The following MARCHF3 variants were observed in gnomAD, a reference collection of about 807,000 sequenced individuals.
MARCHF3 encodes the protein E3 ubiquitin-protein ligase MARCHF3.
A neutral mutation model predicts 24.2 loss-of-function variants in MARCHF3; 13 were observed. The observed-to-expected ratio is 0.54, with a 90% CI of 0.35 to 0.85. The LOEUF (loss-of-function observed/expected upper bound fraction) is 0.85. MARCHF3 is among the 40% of genes least tolerant of loss of function. MARCHF3 has a pLI of 0.01. For missense variants in MARCHF3, 276 were observed against 325.0 expected (o/e 0.85, Z 1.16); for synonymous variants, 144 against 137.3 (o/e 1.05, Z -0.34).
chr5:126,941,831 C>T (rs576410821), intron 1 of MARCHF3, among the ~76,000 whole-genome samples: 22 of 152,142 alleles, frequency 1.4e-4, no homozygotes, highest in Non-Finnish European at 3.1e-4. Context: ...TGGAAGGAAA[C>T]GAGAGTCAGG....
rs561847971 is a variant in MARCHF3, at chr5:126,870,289, T to G, written c.*344A>C. 4 of 178,204 alleles carry G rather than the reference T, an allele frequency of 2.2e-5. No homozygotes were observed. The highest frequency in any genetic ancestry group is 5.6e-5 in the Admixed American group (1 of 17,806). 11.0% of individuals were successfully genotyped at this position (178,204 alleles called of 1,614,324 possible). ...AATATATATATATATGTGTGTGTGT[T>G]TGAAATAGTAATAAAAAAGGAAGAA... On this transcript the variant is annotated 3_prime_UTR_variant, in exon 5 of 5. Coordinates refer to ENST00000308660, the MANE Select transcript of MARCHF3 (RefSeq NM_178450.5).
At chr5:126,963,895 C>T (rs1345570574) in intron 1 of MARCHF3, among the ~76,000 whole-genome samples, 2 of 152,138 alleles carry the variant, frequency 1.3e-5, no homozygotes, top group African/African-American at 2.4e-5. Context: ...AGAGAACCCA[C>T]CTAAGGGGAA....
At chr5:127,023,593 G>A (rs1007354662) in intron 1 of MARCHF3, among the ~76,000 whole-genome samples, 4 of 151,832 alleles carry the variant, frequency 2.6e-5, no homozygotes, top group Non-Finnish European at 4.4e-5. Context: ...TTAGCCAGGT[G>A]TGGTGGTGCA....
chr5:126,900,284 G>A (rs920671197), intron 3 of MARCHF3, among the ~76,000 whole-genome samples: 1 of 152,118 alleles, frequency 6.6e-6, no homozygotes, highest in African/African-American at 2.4e-5. Flanking sequence ...GAAGCCAGGT[G>A]CAATGGTCTG....
chr5:126,961,435 A>T (rs575312498), intron 1 of MARCHF3, among the ~76,000 whole-genome samples: 1 of 152,270 alleles, frequency 6.6e-6, no homozygotes, highest in African/African-American at 2.4e-5. Flanking sequence ...AGCAACCACC[A>T]TAAGGCTGAT....
chr5:126,923,614 TAAC>T (rs1484172769), intron 1 of MARCHF3, among the ~76,000 whole-genome samples: 1 of 152,160 alleles, frequency 6.6e-6, no homozygotes, highest in African/African-American at 2.4e-5. Context: ...CAAGAAGTGA[TAAC>T]AAACTATAGA....
chr5:126,891,371 T>C (rs1450627543), intron 3 of MARCHF3, among the ~76,000 whole-genome samples: 3 of 98,962 alleles, frequency 3.0e-5, no homozygotes, highest in African/African-American at 4.7e-5. Flanking sequence ...CCCATGCCTA[T>C]GTCCTGAATG....
chr5:126,929,164 T>C (rs1306147118), intron 1 of MARCHF3, among the ~76,000 whole-genome samples: 1 of 152,248 alleles, frequency 6.6e-6, no homozygotes, highest in Non-Finnish European at 1.5e-5. Flanking sequence ...GTAGAGGTCC[T>C]CTAGAGCCCT....
intron 1 of MARCHF3, among the ~76,000 whole-genome samples, chr5:126,982,464 C>G (rs1561458214): frequency 6.6e-6 from 1 of 152,326 alleles, no homozygotes; most frequent in East Asian, 1.9e-4. Context: ...TGTCCCAACA[C>G]TACTGGAGGG....
intron 3 of MARCHF3, among the ~76,000 whole-genome samples, chr5:126,907,414 G>C (rs1394099929): frequency 7.2e-6 from 1 of 139,810 alleles, no homozygotes. Flanking sequence ...TGTTGACAGT[G>C]GGGTGTTAAA....
Position 126,946,821 on chromosome 5 carries a change from G to A in MARCHF3, c.-56-28594C>T, listed in dbSNP as rs147848515. Among the ~76,000 whole-genome samples, 209 of 121,244 alleles carry A rather than the reference G, an allele frequency of 1.7e-3. 2 individuals are homozygous for A. The highest frequency in any genetic ancestry group is 5.6e-3 in the African/African-American group (196 of 34,772). 79.5% of individuals were successfully genotyped at this position (121,244 alleles called of 152,430 possible). ...GTCTGTGTGTGTGTGGTGGAGGGGA[G>A]GGGGCACTGAGGACCTCTAACACCG... On this transcript the variant is annotated intron_variant, in intron 1 of 4. Coordinates refer to ENST00000308660, the MANE Select transcript of MARCHF3 (RefSeq NM_178450.5).
chr5:127,008,592 A>G (rs1752380753), intron 1 of MARCHF3, among the ~76,000 whole-genome samples: 1 of 152,238 alleles, frequency 6.6e-6, no homozygotes, highest in South Asian at 2.1e-4. Context: ...TGTTCTGGAC[A>G]GCTCTGTTTT....
rs191027711 is a variant in MARCHF3 at position 126,895,888 on chromosome 5, G to A, written c.394-17494C>T. Among the ~76,000 whole-genome samples the A allele has an allele frequency of 1.7e-3, 261 of 152,276 alleles. 2 individuals are homozygous for A. The highest frequency in any genetic ancestry group is 0.014 in the Middle Eastern group (4 of 294). ...TTGTTTACCTAATCAAGCCTGGGCAGTGGCGGGCGCCCCTCCCCCAGCCTT... is the reference window on the plus strand; with the variant it reads ...TTGTTTACCTAATCAAGCCTGGGCAATGGCGGGCGCCCCTCCCCCAGCCTT... On this transcript the variant is annotated intron_variant, in intron 3 of 4. Transcript: ENST00000308660.
chr5:126,952,304 G>C (rs550345954), intron 1 of MARCHF3, among the ~76,000 whole-genome samples: 1 of 152,290 alleles, frequency 6.6e-6, no homozygotes, highest in South Asian at 2.1e-4. Context: ...ATGAGCAAGA[G>C]ACAGAGGAAA....
chr5:126,909,858 T>C (rs1232935560), intron 3 of MARCHF3, among the ~76,000 whole-genome samples: 1 of 152,262 alleles, frequency 6.6e-6, no homozygotes, highest in South Asian at 2.1e-4. Flanking sequence ...AGTGACTTCA[T>C]AAAAAAGGTT....
At chr5:126,979,652 T>C (rs1424235387) in intron 1 of MARCHF3, among the ~76,000 whole-genome samples, 4 of 152,092 alleles carry the variant, frequency 2.6e-5, no homozygotes, top group African/African-American at 9.7e-5. Flanking sequence ...TATTCCTTAT[T>C]AGAAATGAAA....
intron 2 of MARCHF3, among the ~76,000 whole-genome samples, chr5:126,915,898 C>T (rs1754712264): frequency 6.6e-6 from 1 of 152,198 alleles, no homozygotes; most frequent in African/African-American, 2.4e-5. Context: ...ACTCTGCTGT[C>T]TATTACCTGG....
chr5:126,988,923 AAAGAT>A (rs1751653496), intron 1 of MARCHF3, among the ~76,000 whole-genome samples: 2 of 152,228 alleles, frequency 1.3e-5, no homozygotes, highest in Non-Finnish European at 2.9e-5. Flanking sequence ...GGAATAAAGA[AAAGAT>A]GTTTCTTCAA....
At chr5:126,928,077 T>C (rs1320467715) in intron 1 of MARCHF3, among the ~76,000 whole-genome samples, 2 of 152,188 alleles carry the variant, frequency 1.3e-5, no homozygotes, top group African/African-American at 4.8e-5. Flanking sequence ...ATCTTCTAAG[T>C]ACTTAATAAA....
Sources: gnomAD v4.1 joint callset for allele counts (sites outside exome capture counted in the v4.1 genomes callset) on GRCh38, gnomAD v4.1.1 for gene constraint, MANE v1.5 for transcripts, NCBI Gene and HGNC (gene_info 2026-07-23, HGNC 2026-07-21) for gene names.